The following TPP2 variants were observed in gnomAD, a reference collection of about 807,000 sequenced individuals.
TPP2 encodes the protein tripeptidyl peptidase 2.
Under a neutral mutation model 155.9 loss-of-function variants are expected in TPP2, and 34 were observed. The observed-to-expected ratio is 0.22, with a 90% CI of 0.17 to 0.29. The LOEUF (loss-of-function observed/expected upper bound fraction) is 0.29, where lower values mean the gene tolerates loss of function less well. TPP2 is among the 10% of genes least tolerant of loss of function. TPP2 has a pLI of 1.00. For missense variants in TPP2, 1,028 were observed against 1,522.3 expected, an observed-to-expected ratio of 0.68 and a Z score of 5.40; for synonymous variants, 510 against 529.4, an observed-to-expected ratio of 0.96 and a Z score of 0.50.
chr13:102,651,710 C>A (rs1267965961), intron 24 of TPP2, among the ~76,000 whole-genome samples: 1 of 149,922 alleles, frequency 6.7e-6, no homozygotes, highest in East Asian at 2.0e-4. Flanking sequence ...TTCATATTTA[C>A]AATTTTATAG....
At chr13:102,624,608 G>A (rs1410571482) in intron 6 of TPP2, among the ~76,000 whole-genome samples, 2 of 151,976 alleles carry the variant, frequency 1.3e-5, no homozygotes, top group African/African-American at 4.8e-5. Context: ...AAAAAATATG[G>A]TTTTCTTTCC....
chr13:102,654,798 G>A (rs1013870242), intron 24 of TPP2: 5 of 364,698 alleles, frequency 1.4e-5, no homozygotes, highest in African/African-American at 1.1e-4. Flanking sequence ...TGTTGTCTTT[G>A]CTGTACAGAT....
At chr13:102,602,991 A>C (rs1879549777) in intron 1 of TPP2, among the ~76,000 whole-genome samples, 1 of 151,736 alleles carries the variant, frequency 6.6e-6, no homozygotes. Flanking sequence ...AACTCAGTAC[A>C]TATTCCTGAA....
intron 6 of TPP2, 105 bp downstream of exon 6, chr13:102,623,145 C>A: frequency 1.6e-6 from 2 of 1,248,060 alleles, no homozygotes; most frequent in Non-Finnish European, 2.2e-6. Context: ...AGCTAGAGAT[C>A]GTAGCTAAAG....
chr13:102,651,307 A>C, intron 23 of TPP2, 52 bp from the exon 24 acceptor site: 1 of 1,550,398 alleles, frequency 6.4e-7, no homozygotes, highest in South Asian at 1.2e-5. Context: ...TTCTGTCTCC[A>C]TCCTGTGTAG....
intron 24 of TPP2, among the ~76,000 whole-genome samples, chr13:102,652,550 G>A (rs182302693): frequency 1.9e-4 from 29 of 151,474 alleles, no homozygotes; most frequent in Admixed American, 6.0e-4. Context: ...ATTACAGTGG[G>A]AAAATCAGTA....
At chr13:102,621,761 C>T (rs552556594) in intron 5 of TPP2, among the ~76,000 whole-genome samples, 6 of 152,072 alleles carry the variant, frequency 3.9e-5, no homozygotes, top group South Asian at 2.1e-4. Flanking sequence ...TGGGACTGTG[C>T]GGTTAGATGG....
At chr13:102,600,126 A>G (rs1329985428) in intron 1 of TPP2, among the ~76,000 whole-genome samples, 2 of 151,858 alleles carry the variant, frequency 1.3e-5, no homozygotes, top group African/African-American at 4.8e-5. Flanking sequence ...TGGCCTCCTT[A>G]TGTAGCCTCA....
intron 1 of TPP2, 60 bp downstream of exon 1, chr13:102,597,263 G>A (rs1879029220): frequency 9.7e-7 from 1 of 1,033,390 alleles, no homozygotes; most frequent in Non-Finnish European, 1.3e-6. Flanking sequence ...CGCGGGTGGG[G>A]ACACAGTCTC....
chr13:102,677,371 G>GCC lies in TPP2; in HGVS notation c.3700-849_3700-848dup, dbSNP rs11355801. The stretch of plus-strand genomic sequence containing the variant: ...TCTTAACTTGTCTGCCCTCCACTCT[G>GCC]CCCCCCCCGCTGCCTGTTCTCCACA... On this transcript the variant is annotated intron_variant, in intron 29 of 29. Transcript: ENST00000376052. 7.1e-3 allele frequency among the ~76,000 whole-genome samples: 1,069 copies of GCC among 151,318 alleles called. 7 individuals are homozygous for GCC. The highest frequency in any genetic ancestry group is 0.012 in the Non-Finnish European group (799 of 67,882).
At chr13:102,653,149 C>T (rs966298663) in intron 24 of TPP2, among the ~76,000 whole-genome samples, 8 of 152,102 alleles carry the variant, frequency 5.3e-5, no homozygotes, top group African/African-American at 1.7e-4. Context: ...TATCTCTGCT[C>T]GTTCCTTTCT....
chr13:102,675,335 T>G (rs1262745192), intron 28 of TPP2, among the ~76,000 whole-genome samples: 1 of 152,144 alleles, frequency 6.6e-6, no homozygotes, highest in Non-Finnish European at 1.5e-5. Context: ...GCAGCAGAGG[T>G]CAGGAATTTG....
intron 27 of TPP2, among the ~76,000 whole-genome samples, chr13:102,669,177 G>A (rs548538094): frequency 5.9e-5 from 9 of 152,260 alleles, no homozygotes; most frequent in East Asian, 1.9e-4. Flanking sequence ...GAAATTTATC[G>A]TTTAGATTTT....
intron 6 of TPP2, 123 bp from the exon 7 acceptor site, chr13:102,626,889 C>G (rs539908058): frequency 2.0e-6 from 2 of 1,020,016 alleles, no homozygotes; most frequent in African/African-American, 1.7e-5. Context: ...TTTTTGCTCT[C>G]CATGAACAGG....
intron 27 of TPP2, among the ~76,000 whole-genome samples, chr13:102,665,998 A>G (rs1397395203): frequency 6.6e-6 from 1 of 152,228 alleles, no homozygotes; most frequent in East Asian, 1.9e-4. Flanking sequence ...TTTCAAAAGA[A>G]TAGTCTCAAA....
chr13:102,644,434 G>T, intron 17 of TPP2, 123 bp from the exon 18 acceptor site: 1 of 751,138 alleles, frequency 1.3e-6, no homozygotes. Context: ...TAAAATTTTT[G>T]AGTTTTCTTG....
rs1451082668 is a variant in TPP2 at position 102,664,805 on chromosome 13, A to G, written c.3251A>G (p.Lys1084Arg). 2 of 1,612,956 alleles carry G rather than the reference A, an allele frequency of 1.2e-6. No individual in the cohort carries two copies. Among genetic ancestry groups the G allele is most frequent in the Admixed American group, 3.3e-5 (2 of 59,912 alleles). ...HQLDAEKERMKRLNEIVDAAN... is the reference protein window; with the variant it reads ...HQLDAEKERMRRLNEIVDAAN... ...TTTTTTCCTCTCCAGGAACGAATGA[A>G]AAGACTTAATGAAATTGTTGATGCG... Residue 1084 changes from lysine to arginine, a missense_variant, in exon 27 of 30, where the codon AAA becomes AGA. By Grantham distance (26) the Lys-to-Arg change is conservative. This residue lies in a region of TPP2 where 179 missense variants were observed against 274.7 expected (regional missense o/e 0.65). Coordinates refer to ENST00000376052, the MANE Select transcript of TPP2 (RefSeq NM_001330588.2).
At chr13:102,648,464 G>GTGTGTA (rs1883280556) in intron 21 of TPP2, among the ~76,000 whole-genome samples, 1 of 148,400 alleles carries the variant, frequency 6.7e-6, no homozygotes, top group Admixed American at 6.6e-5. Context: ...GTGTGTGTGT[G>GTGTGTA]TGTATTTGTC....
rs1188915150 is a variant in TPP2 at position 102,679,165 on chromosome 13, G to A, written c.*849G>A. 6.6e-6 allele frequency: 1 copy of A among 152,328 alleles called. No homozygotes were observed. Among genetic ancestry groups the A allele is most frequent in the East Asian group, 1.9e-4 (1 of 5,192 alleles). The allele number at this position is 152,328 out of a possible 1,614,324, so 9.4% of individuals were successfully genotyped here. On this transcript the variant is annotated 3_prime_UTR_variant, in exon 30 of 30. Coordinates refer to ENST00000376052, the MANE Select transcript of TPP2 (RefSeq NM_001330588.2). ...ATAAATAATAAAAGTGAATATTGAA[G>A]CTTCTTAAAGTTGGTCTTAATTTTT...
Sources: allele counts gnomAD v4.1 joint callset (sites outside exome capture counted in the v4.1 genomes callset), GRCh38; gene constraint gnomAD v4.1.1; regional missense constraint gnomAD v4.1.1; transcripts MANE v1.5; gene names NCBI Gene and HGNC (gene_info 2026-07-23, HGNC 2026-07-21).